Variants in SRP9 observed in about 807,000 individuals in gnomAD.
SRP9 encodes the protein signal recognition particle 9 kDa protein.
In SRP9, 2 loss-of-function variants were observed where a neutral mutation model predicts 11.7. The observed-to-expected ratio is 0.17, with a 90% confidence interval of 0.07 to 0.54. The LOEUF is 0.54. SRP9 is among the 20% of genes least tolerant of loss of function. SRP9 has a pLI of 0.94. For synonymous variants in SRP9, 27 were observed against 35.6 expected (o/e 0.76, Z 0.86); for missense variants, 54 against 108.1 (o/e 0.50, Z 2.22).
chr1:225,781,395 C>CTTTTTTTTTTTTTTT (rs11315558), intron 1 of SRP9, among the ~76,000 whole-genome samples: 2 of 87,818 alleles, frequency 2.3e-5, no homozygotes, highest in Non-Finnish European at 4.3e-5. Context: ...TTTTCTTTTT[C>CTTTTTTTTTTTTTTT]TTTTTTTTTT....
rs888359812 is a variant in SRP9 at position 225,778,083 on chromosome 1, G to A, written c.72+71G>A. 78 of 1,560,308 alleles carry A rather than the reference G, an allele frequency of 5.0e-5. No individual in the cohort carries two copies. The Admixed American group carries it at 1.4e-3, about 27-fold the overall frequency. Reference sequence around the variant, plus strand: ...TCTTCCCGCCATCCACTCGGCCCCTGGAGCTTCCCCAGCGCTCCCAGGAGG... The same window carrying A: ...TCTTCCCGCCATCCACTCGGCCCCTAGAGCTTCCCCAGCGCTCCCAGGAGG... On this transcript the variant is annotated intron_variant, in intron 1 of 2. Coordinates refer to ENST00000304786, the MANE Select transcript of SRP9 (RefSeq NM_003133.6).
chr1:225,778,531 T>C lies in SRP9; in HGVS notation c.72+519T>C, dbSNP rs575789038. ...AGGCTTTGGGACCATAAGAATAATA[T>C]TTGCACCTTTCCTCAGAAAAATGGT... is the stretch of plus-strand genomic sequence containing the variant. On this transcript the variant is annotated intron_variant, in intron 1 of 2. Transcript: ENST00000304786. Among the ~76,000 whole-genome samples the C allele has an allele frequency of 3.3e-5, 5 of 152,358 alleles. No homozygotes were observed. In the East Asian group the frequency reaches 9.6e-4, roughly 29 times the overall value.
intron 2 of SRP9, among the ~76,000 whole-genome samples, chr1:225,785,951 G>C (rs1665901728): frequency 6.6e-6 from 1 of 152,236 alleles, no homozygotes; most frequent in Non-Finnish European, 1.5e-5. Flanking sequence ...CTCCCAAAGT[G>C]CTGGGATTAC....
chr1:225,778,478 T>TATTG (rs1327622623), intron 1 of SRP9, among the ~76,000 whole-genome samples: 2 of 152,258 alleles, frequency 1.3e-5, no homozygotes, highest in African/African-American at 4.8e-5. Flanking sequence ...CCCCCCAGAA[T>TATTG]ATTGGTTCTT....
intron 2 of SRP9, among the ~76,000 whole-genome samples, chr1:225,786,094 A>G (rs1665904372): frequency 6.6e-6 from 1 of 152,214 alleles, no homozygotes; most frequent in Non-Finnish European, 1.5e-5. Flanking sequence ...ATTATGTAAG[A>G]GCTCCTTTAA....
chr1:225,788,866 T>C (rs1019229044), intron 2 of SRP9, among the ~76,000 whole-genome samples: 3 of 152,226 alleles, frequency 2.0e-5, no homozygotes, highest in African/African-American at 7.2e-5. Context: ...ATAACTCAGT[T>C]ACTTATGGCT....
In SRP9 at chr1:225,777,852, C is replaced by G; in HGVS notation, c.-89C>G. 3 of 1,312,934 alleles carry G rather than the reference C, an allele frequency of 2.3e-6. No individual in the cohort carries two copies. The highest frequency in any genetic ancestry group is 1.3e-5 in the South Asian group (1 of 79,956). 81.3% of individuals were successfully genotyped at this position (1,312,934 alleles called of 1,614,324 possible). On this transcript the variant is annotated 5_prime_UTR_variant, in exon 1 of 3. Transcript: ENST00000304786. ...CCGCCATCTTGGGGCTGCTGGGACT[C>G]GCGTCGGTTGGCGACTCCCGGACGT...
chr1:225,779,428 G>A (rs574255444), intron 1 of SRP9, among the ~76,000 whole-genome samples: 1 of 152,292 alleles, frequency 6.6e-6, no homozygotes, highest in East Asian at 1.9e-4. Flanking sequence ...ACAGGTGTGA[G>A]CCACTGCGCC....
chr1:225,780,528 G>A (rs1391186502), intron 1 of SRP9, among the ~76,000 whole-genome samples: 1 of 152,146 alleles, frequency 6.6e-6, no homozygotes, highest in Non-Finnish European at 1.5e-5. Context: ...ATATATTTAT[G>A]TGTGTTTACA....
intron 1 of SRP9, among the ~76,000 whole-genome samples, chr1:225,782,675 T>G (rs1665823501): frequency 6.6e-6 from 1 of 152,236 alleles, no homozygotes; most frequent in Non-Finnish European, 1.5e-5. Flanking sequence ...AACATGGAAC[T>G]TCAGTATAGG....
intron 2 of SRP9, chr1:225,786,761 T>G (rs1256314253): frequency 7.6e-6 from 9 of 1,182,978 alleles, no homozygotes; most frequent in Non-Finnish European, 9.6e-6. Flanking sequence ...AGTAAAAAAA[T>G]ATATGAAAGT....
At chr1:225,788,843 T>G (rs1239694710) in intron 2 of SRP9, among the ~76,000 whole-genome samples, 1 of 152,162 alleles carries the variant, frequency 6.6e-6, no homozygotes, top group East Asian at 1.9e-4. Flanking sequence ...ATTTCTGTGT[T>G]TTTTTTTCCA....
chr1:225,782,317 C>A (rs537643441), intron 1 of SRP9, among the ~76,000 whole-genome samples: 1 of 152,090 alleles, frequency 6.6e-6, no homozygotes, highest in Non-Finnish European at 1.5e-5. Flanking sequence ...GCACTCATCA[C>A]CACGCCCGGC....
At chr1:225,780,894 A>G (rs1235147271) in intron 1 of SRP9, among the ~76,000 whole-genome samples, 1 of 152,158 alleles carries the variant, frequency 6.6e-6, no homozygotes, top group Non-Finnish European at 1.5e-5. Flanking sequence ...TTAGTTCCTT[A>G]ACACTCTTGC....
At chr1:225,780,924 A>G (rs968882214) in intron 1 of SRP9, among the ~76,000 whole-genome samples, 1 of 152,212 alleles carries the variant, frequency 6.6e-6, no homozygotes, top group East Asian at 1.9e-4. Flanking sequence ...CTAAAAAACA[A>G]AAGTTGAATT....
intron 1 of SRP9, among the ~76,000 whole-genome samples, chr1:225,781,653 C>T (rs926453696): frequency 3.3e-5 from 5 of 152,096 alleles, no homozygotes; most frequent in Non-Finnish European, 7.3e-5. Flanking sequence ...CTCCTGCCCT[C>T]CCAAAGTGCT....
intron 1 of SRP9, among the ~76,000 whole-genome samples, chr1:225,782,219 A>G (rs867332776): frequency 1.3e-5 from 2 of 151,974 alleles, no homozygotes; most frequent in African/African-American, 4.8e-5. Flanking sequence ...GCTGGAGTGC[A>G]ATGGTGCGAT....
At chr1:225,787,690 C>T (rs999876032) in intron 2 of SRP9, among the ~76,000 whole-genome samples, 4 of 152,104 alleles carry the variant, frequency 2.6e-5, no homozygotes, top group African/African-American at 9.7e-5. Context: ...CATCATTTTT[C>T]TAATCCCATA....
Position 225,788,729 on chromosome 1 carries a change from T to C in SRP9, c.142-511T>C, listed in dbSNP as rs1013408593. Reference sequence around the variant, plus strand: ...ACGCCTGGCCAAGAAAATCAAGATTTACCTGGTTTATGTGTTGACCAGCTA... The same window carrying C: ...ACGCCTGGCCAAGAAAATCAAGATTCACCTGGTTTATGTGTTGACCAGCTA... On this transcript the variant is annotated intron_variant, in intron 2 of 2. Coordinates refer to ENST00000304786, the MANE Select transcript of SRP9 (RefSeq NM_003133.6). 2.7e-4 allele frequency among the ~76,000 whole-genome samples: 41 copies of C among 152,226 alleles called. 1 individual carries two copies. The highest frequency in any genetic ancestry group is 9.9e-4 in the African/African-American group (41 of 41,470).
Sources: gnomAD v4.1 joint callset for allele counts (sites outside exome capture counted in the v4.1 genomes callset) on GRCh38, gnomAD v4.1.1 for gene constraint, MANE v1.5 for transcripts, NCBI Gene and HGNC (gene_info 2026-07-23, HGNC 2026-07-21) for gene names.